Variants in RBBP8 observed in about 807,000 individuals in gnomAD.
The protein encoded by RBBP8 is DNA endonuclease RBBP8.
A neutral mutation model predicts 108.3 loss-of-function variants in RBBP8; 88 were observed. The ratio of observed to expected loss-of-function variants is 0.81; its 90% CI spans 0.68 to 0.97. The LOEUF (loss-of-function observed/expected upper bound fraction) is 0.97, where lower values mean the gene tolerates loss of function less well. Among genes scored for constraint, RBBP8 ranks in the 50% least tolerant of loss-of-function variants. The probability of loss-of-function intolerance (pLI) is 0.00; values close to 1 mark genes in which losing one functional copy is unlikely to be tolerated. For synonymous variants in RBBP8, 332 were observed against 348.2 expected (o/e 0.95, Z 0.52); for missense variants, 1,023 against 1,049.0 (o/e 0.98, Z 0.34).
In RBBP8 at chr18:23,022,196, G is replaced by A. The variant is rs764537688; in HGVS notation, c.2522G>A (p.Arg841His). The change falls in exon 18 of 19, where the codon CGC becomes CAC. Residue 841 changes from arginine (R) to histidine (H), a missense_variant. Physicochemically the swap from Arg to His is conservative, Grantham distance 29. Transcript: ENST00000327155. ...KLASCSRHRF[R>H]YIPPNTPENF... ...GCTTCCTGCTCAAGACACCGATTCC[G>A]CTACATTCCACCCAACACACCAGAG... 19 of 1,611,250 alleles carry A rather than the reference G, an allele frequency of 1.2e-5. No homozygotes were observed. In the East Asian group the frequency reaches 2.9e-4, roughly 25 times the overall value.
chr18:22,921,631 T>C (rs1909599475), intron 3 of RBBP8, among the ~76,000 whole-genome samples: 2 of 152,206 alleles, frequency 1.3e-5, no homozygotes, highest in South Asian at 4.1e-4. Context: ...TTAAAACAGA[T>C]GTTCTGAGAA....
At chr18:22,925,925 C>T (rs1283084211) in intron 3 of RBBP8, among the ~76,000 whole-genome samples, 1 of 152,084 alleles carries the variant, frequency 6.6e-6, no homozygotes, top group Admixed American at 6.6e-5. Context: ...TCTTAGTGAT[C>T]ACTCTTAAAT....
At chr18:22,958,860 A>C (rs970152787) in intron 4 of RBBP8, among the ~76,000 whole-genome samples, 24 of 152,154 alleles carry the variant, frequency 1.6e-4, no homozygotes. Flanking sequence ...TTCTTGAAGA[A>C]ATATTTCTTG....
In RBBP8 at chr18:22,993,459, G is replaced by A. The variant is rs371151302; in HGVS notation, c.1632G>A (p.Thr544=). Residue 544 remains threonine (T), a synonymous_variant, in exon 11 of 19, where the codon ACG becomes ACA. Coordinates refer to ENST00000327155, the MANE Select transcript of RBBP8 (RefSeq NM_002894.3). ...SSRKASDGNC[T]LPKDSPGEPC... Reference sequence around the variant, plus strand: ...GTAAGGCCTCAGATGGCAACTGCACGTTGCCCAAAGATTCCCCAGGGGAGC... The same window carrying A: ...GTAAGGCCTCAGATGGCAACTGCACATTGCCCAAAGATTCCCCAGGGGAGC... 137 of 1,614,086 alleles carry A rather than the reference G, an allele frequency of 8.5e-5. 2 individuals are homozygous for A. The highest frequency in any genetic ancestry group is 7.8e-4 in the East Asian group (35 of 44,898).
chr18:22,985,931 A>T (rs1385302727), intron 8 of RBBP8, among the ~76,000 whole-genome samples: 1 of 152,230 alleles, frequency 6.6e-6, no homozygotes, highest in African/African-American at 2.4e-5. Flanking sequence ...ATGTAAAGTC[A>T]TGATTTTCAA....
At chr18:22,980,668 CAG>C (rs1414229556) in intron 6 of RBBP8, among the ~76,000 whole-genome samples, 1 of 150,718 alleles carries the variant, frequency 6.6e-6, no homozygotes. Context: ...GCAGATGTGA[CAG>C]GGTTTTCATG....
chr18:23,010,885 G>A (rs1057182831), intron 16 of RBBP8, among the ~76,000 whole-genome samples: 40 of 152,290 alleles, frequency 2.6e-4, no homozygotes, highest in Admixed American at 7.8e-4. Flanking sequence ...TACAGATGCT[G>A]TTCTGCTAGG....
intron 15 of RBBP8, among the ~76,000 whole-genome samples, chr18:23,005,958 G>A (rs1002857602): frequency 2.0e-5 from 3 of 151,978 alleles, no homozygotes; most frequent in East Asian, 2.0e-4. Flanking sequence ...AGGCCGAGGC[G>A]GGCGGATCAT....
rs1443594523 is a variant in RBBP8, at chr18:22,918,796, A to G, written c.-154+1770A>G. On this transcript the variant is annotated intron_variant, in intron 3 of 4. Transcript: ENST00000577588. ...GATAATTTTTTTAAAAATTTTTTGTAGAGATGTGTTCTCCCTATGTTTCCC... is the reference window on the plus strand; with the variant it reads ...GATAATTTTTTTAAAAATTTTTTGTGGAGATGTGTTCTCCCTATGTTTCCC... Among the ~76,000 whole-genome samples the G allele has an allele frequency of 2.6e-5, 4 of 152,128 alleles. No individual in the cohort carries two copies. The East Asian group carries it at 7.7e-4, about 29-fold the overall frequency.
intron 3 of RBBP8, among the ~76,000 whole-genome samples, chr18:22,927,501 G>C (rs73964393): frequency 6.6e-6 from 1 of 152,076 alleles, no homozygotes; most frequent in Non-Finnish European, 1.5e-5. Context: ...TGCGCTGTAC[G>C]ATACAGTAGC....
intron 12 of RBBP8, among the ~76,000 whole-genome samples, chr18:22,995,930 G>A (rs2045849165): frequency 6.6e-6 from 1 of 152,164 alleles, no homozygotes; most frequent in Non-Finnish European, 1.5e-5. Flanking sequence ...TGGGCCATAT[G>A]CCAATTCTAC....
intron 10 of RBBP8, among the ~76,000 whole-genome samples, chr18:22,991,782 C>G (rs1415426877): frequency 6.6e-6 from 1 of 152,172 alleles, no homozygotes; most frequent in Non-Finnish European, 1.5e-5. Context: ...GCAGAACCCA[C>G]AGATAAGGAG....
chr18:22,993,846 A>G lies in RBBP8; in HGVS notation c.1938A>G (p.Gln646=). The G allele has an allele frequency of 1.9e-6, 3 of 1,612,448 alleles. No homozygotes were observed. Among genetic ancestry groups the G allele is most frequent in the Non-Finnish European group, 2.5e-6 (3 of 1,178,644 alleles). ...AAATAAAGTCTCTACAAAACAACCA[A>G]GGTGTGTACACCATAAACAGGATCT... ...TGKIKSLQNN[Q]DVSFENIQWS... The change falls in exon 12 of 19, where the codon CAA becomes CAG. Residue 646 remains glutamine, a splice_region_variant and synonymous_variant. Transcript: ENST00000327155.
intron 1 of RBBP8, among the ~76,000 whole-genome samples, chr18:22,914,533 A>C (rs1398810971): frequency 1.3e-5 from 2 of 152,194 alleles, no homozygotes; most frequent in Non-Finnish European, 2.9e-5. Flanking sequence ...TAAGTTGTGC[A>C]TGGCTATAGT....
chr18:22,991,151 T>A, intron 10 of RBBP8, 102 bp downstream of exon 10: 1 of 868,794 alleles, frequency 1.2e-6, no homozygotes, highest in Admixed American at 2.0e-5. Context: ...ACATATAGTT[T>A]GTTATTGTGG....
At chr18:22,955,600 CAG>C (rs1279370286) in intron 4 of RBBP8, among the ~76,000 whole-genome samples, 4 of 142,370 alleles carry the variant, frequency 2.8e-5, no homozygotes, top group Admixed American at 7.2e-5. Flanking sequence ...TTTTTTGAGA[CAG>C]AGTCTTGCTC....
At chr18:22,956,442 T>G (rs1912547654) in intron 4 of RBBP8, among the ~76,000 whole-genome samples, 1 of 152,144 alleles carries the variant, frequency 6.6e-6, no homozygotes, top group African/African-American at 2.4e-5. Flanking sequence ...TCAAGAGATC[T>G]TCTCACATCA....
At chr18:23,009,797 C>G (rs138197770) in intron 16 of RBBP8, among the ~76,000 whole-genome samples, 103 of 152,292 alleles carry the variant, frequency 6.8e-4, no homozygotes, top group African/African-American at 2.4e-3. Flanking sequence ...GAGTCTTGCT[C>G]TGTCACCAGG....
chr18:23,026,286 T>TA lies in RBBP8; in HGVS notation c.*47dup. On this transcript the variant is annotated 3_prime_UTR_variant, in exon 19 of 19. Coordinates refer to ENST00000327155, the MANE Select transcript of RBBP8 (RefSeq NM_002894.3). The stretch of plus-strand genomic sequence containing the variant: ...GGATGAAGGACAGTTTTTTCCTTCT[T>TA]AGTTATTTATAGTTAAAGTTGGTAC... The TA allele has an allele frequency of 6.9e-7, 1 of 1,440,832 alleles. No homozygotes were observed. Among genetic ancestry groups the TA allele is most frequent in the South Asian group, 1.2e-5 (1 of 85,866 alleles). 89.3% of individuals were successfully genotyped at this position (1,440,832 alleles called of 1,614,324 possible).
Sources: allele counts gnomAD v4.1 joint callset (sites outside exome capture counted in the v4.1 genomes callset), GRCh38; gene constraint gnomAD v4.1.1; transcripts MANE v1.5; gene names NCBI Gene and HGNC (gene_info 2026-07-23, HGNC 2026-07-21).